The following IQCJ variants were observed in gnomAD, a reference collection of about 807,000 sequenced individuals.
IQCJ encodes IQ motif containing J.
A neutral mutation model predicts 11.0 loss-of-function variants in IQCJ; 9 were observed. That is an observed-to-expected ratio of 0.82 (90% confidence interval 0.49 to 1.43). The LOEUF (loss-of-function observed/expected upper bound fraction) is 1.43. IQCJ is among the 40% of genes most tolerant of loss of function. The pLI, the probability that IQCJ is intolerant of heterozygous loss-of-function variation, is 0.00. For synonymous variants in IQCJ, 55 were observed against 51.3 expected (o/e 1.07, Z -0.31); for missense variants, 146 against 133.2 (o/e 1.10, Z -0.47).
intron 3 of IQCJ, among the ~76,000 whole-genome samples, chr3:159,254,950 G>T (rs1001654221): frequency 6.6e-6 from 1 of 152,204 alleles, no homozygotes; most frequent in Admixed American, 6.5e-5. Flanking sequence ...TGTGCCCCTT[G>T]CTCTGCGGGG....
chr3:159,131,631 G>GT (rs1344628393), intron 1 of IQCJ, among the ~76,000 whole-genome samples: 1 of 152,020 alleles, frequency 6.6e-6, no homozygotes, highest in Non-Finnish European at 1.5e-5. Flanking sequence ...GTCTACTGTT[G>GT]TAAGTTTCTG....
chr3:159,091,901 A>G (rs1487605519), intron 1 of IQCJ, among the ~76,000 whole-genome samples: 1 of 151,862 alleles, frequency 6.6e-6, no homozygotes, highest in Non-Finnish European at 1.5e-5. Context: ...AATTTCAGCT[A>G]ATAAATGTAG....
At chr3:159,178,405 A>AGG (rs1339520961) in intron 1 of IQCJ, among the ~76,000 whole-genome samples, 14 of 152,288 alleles carry the variant, frequency 9.2e-5, no homozygotes, top group Non-Finnish European at 1.3e-4. Context: ...TTACTCTGAC[A>AGG]ACTGAAGGCA....
chr3:159,116,019 T>C (rs1020627268), intron 1 of IQCJ, among the ~76,000 whole-genome samples: 5 of 152,222 alleles, frequency 3.3e-5, no homozygotes, highest in Non-Finnish European at 5.9e-5. Context: ...TGTATAACTA[T>C]GTAACAAACC....
At chr3:159,190,067 T>C (rs1211472369) in intron 1 of IQCJ, among the ~76,000 whole-genome samples, 2 of 152,176 alleles carry the variant, frequency 1.3e-5, no homozygotes, top group Non-Finnish European at 2.9e-5. Context: ...GCATGGAGGA[T>C]AGATACAGTT....
chr3:159,240,422 A>G (rs1006233527), intron 1 of IQCJ, among the ~76,000 whole-genome samples: 3 of 152,200 alleles, frequency 2.0e-5, no homozygotes, highest in African/African-American at 7.2e-5. Flanking sequence ...TTAAATATTT[A>G]ATTTTGCTTA....
chr3:159,164,304 A>G (rs781205010), intron 1 of IQCJ, among the ~76,000 whole-genome samples: 1 of 152,208 alleles, frequency 6.6e-6, no homozygotes. Flanking sequence ...CTTTTACAGT[A>G]CTAGGTATGT....
At chr3:159,227,539 A>G (rs1453371640) in intron 1 of IQCJ, among the ~76,000 whole-genome samples, 3 of 152,184 alleles carry the variant, frequency 2.0e-5, no homozygotes, top group African/African-American at 7.2e-5. Context: ...ATGTGACATT[A>G]TAGATTCAAT....
chr3:159,262,641 C>T lies in IQCJ; in HGVS notation c.249C>T (p.Ser83=), dbSNP rs1355281893. The part of the protein sequence containing the change: ...SPPSVSSEKL[S]SSVSMNTFSD... ...CCTCTGTCTCCTCAGAGAAGCTGAG[C>T]AGCTCTGTCAGCATGAACACCTTCT... The change falls in exon 4 of 4, where the codon AGC becomes AGT. Residue 83 remains serine, a synonymous_variant. Transcript: ENST00000397832. The T allele has an allele frequency of 6.2e-7, 1 of 1,614,034 alleles. No individual in the cohort carries two copies. The highest frequency in any genetic ancestry group is 8.5e-7 in the Non-Finnish European group (1 of 1,179,880).
chr3:159,184,000 G>C (rs1219760297), intron 1 of IQCJ, among the ~76,000 whole-genome samples: 1 of 151,122 alleles, frequency 6.6e-6, no homozygotes, highest in African/African-American at 2.4e-5. Context: ...TGCCCACGCA[G>C]CAGCCAGAGA....
At chr3:159,076,255 T>A (rs1715908056) in intron 1 of IQCJ, among the ~76,000 whole-genome samples, 1 of 152,132 alleles carries the variant, frequency 6.6e-6, no homozygotes, top group Non-Finnish European at 1.5e-5. Flanking sequence ...TGGGAGACTT[T>A]AATTCTGCCT....
At chr3:159,069,558 CT>C in intron 1 of IQCJ, 117 bp downstream of exon 1, 1 of 1,416,502 alleles carries the variant, frequency 7.1e-7, no homozygotes, top group Non-Finnish European at 9.5e-7. Context: ...TCAAAAAGAG[CT>C]TATAGAACAG....
intron 1 of IQCJ, among the ~76,000 whole-genome samples, chr3:159,169,279 C>CTTTTTTTTTTTTTTTTTTTTT (rs141888128): frequency 1.8e-5 from 1 of 56,404 alleles, no homozygotes; most frequent in Non-Finnish European, 3.1e-5. Flanking sequence ...TTCTTTCTTT[C>CTTTTTTTTTTTTTTTTTTTTT]TTTTTTTTTT....
At chr3:159,090,449 G>T (rs1343755434) in intron 1 of IQCJ, among the ~76,000 whole-genome samples, 1 of 151,802 alleles carries the variant, frequency 6.6e-6, no homozygotes, top group East Asian at 1.9e-4. Context: ...AGTTCTGTTT[G>T]TACAAGATTG....
chr3:159,171,711 C>G (rs2108238610), intron 1 of IQCJ, among the ~76,000 whole-genome samples: 1 of 152,274 alleles, frequency 6.6e-6, no homozygotes, highest in Admixed American at 6.5e-5. Context: ...ACAGGTGATT[C>G]TTAAGTACAG....
intron 2 of IQCJ, 98 bp from the exon 3 acceptor site, chr3:159,252,629 A>C: frequency 9.4e-7 from 1 of 1,061,256 alleles, no homozygotes; most frequent in South Asian, 2.3e-5. Context: ...AATTGAATCT[A>C]CATCTTATTT....
At chr3:159,245,613 T>C (rs1025510960) in intron 1 of IQCJ, among the ~76,000 whole-genome samples, 5 of 151,936 alleles carry the variant, frequency 3.3e-5, no homozygotes, top group African/African-American at 4.8e-5. Flanking sequence ...AGGCACCTGC[T>C]ACCATGCCTG....
chr3:159,214,377 A>G (rs780771536), intron 1 of IQCJ, among the ~76,000 whole-genome samples: 2 of 152,112 alleles, frequency 1.3e-5, no homozygotes, highest in African/African-American at 2.4e-5. Flanking sequence ...CTAGATCCTC[A>G]CTGTCGTTGC....
chr3:159,096,525 C>G (rs1227331243), intron 1 of IQCJ, among the ~76,000 whole-genome samples: 1 of 87,654 alleles, frequency 1.1e-5, no homozygotes. Flanking sequence ...TTTAATCCAT[C>G]TTGAATTGAT....
Sources: gnomAD v4.1 joint callset for allele counts (sites outside exome capture counted in the v4.1 genomes callset) on GRCh38, gnomAD v4.1.1 for gene constraint, MANE v1.5 for transcripts, NCBI Gene and HGNC (gene_info 2026-07-23, HGNC 2026-07-21) for gene names.